Variants in PCDHGA3 observed in about 807,000 individuals in gnomAD.
The protein encoded by PCDHGA3 is protocadherin gamma-A3.
PCDHGA3 carries 40 observed loss-of-function variants against 58.5 expected under a neutral mutation model. The observed-to-expected ratio is 0.68, with a 90% CI of 0.53 to 0.89. PCDHGA3 has a LOEUF of 0.89. Ranked by LOEUF, PCDHGA3 falls within the 40% of genes least tolerant of loss-of-function variation. The pLI is 0.00. For synonymous variants in PCDHGA3, 530 were observed against 525.7 expected (o/e 1.01, Z -0.11); for missense variants, 1,223 against 1,195.9 (o/e 1.02, Z -0.33).
At position 141,390,471 on chromosome 5, in the gene PCDHGA3, G is replaced by C. The variant is rs969771801; in HGVS notation, c.2424+44014G>C. The C allele has an allele frequency of 7.2e-6, 5 of 697,624 alleles. No homozygotes were observed. The African/African-American group carries it at 9.0e-5, about 13-fold the overall frequency. The allele number at this position is 697,624 out of a possible 1,614,324, so 43.2% of individuals were successfully genotyped here. On this transcript the variant is annotated intron_variant, in intron 1 of 3. Coordinates refer to ENST00000253812, the MANE Select transcript of PCDHGA3 (RefSeq NM_018916.4). ...GGAGTAAAGTAGGAGCAATTGTGTG[G>C]CCCAACATTTGTTTGTTTTTTAGCC... is the stretch of plus-strand genomic sequence containing the variant.
intron 1 of PCDHGA3, chr5:141,399,459 C>A (rs897098728): frequency 6.2e-7 from 1 of 1,614,012 alleles, no homozygotes; most frequent in African/African-American, 1.3e-5. Flanking sequence ...TCAACGATAA[C>A]GCTCCGGTTT....
At chr5:141,414,452 T>G in intron 1 of PCDHGA3, 1 of 1,613,886 alleles carries the variant, frequency 6.2e-7, no homozygotes, top group Non-Finnish European at 8.5e-7. Context: ...AATATCACAG[T>G]GACAGCCACA....
intron 1 of PCDHGA3, among the ~76,000 whole-genome samples, chr5:141,444,152 ATTTTTTTTTTTTTTTTTTTTTT>A (rs747671382): frequency 8.9e-5 from 3 of 33,882 alleles, no homozygotes; most frequent in East Asian, 1.0e-3. Flanking sequence ...TGTGTACTGG[ATTTTTTTTTTTTTTTTTTTTTT>A]TTTTTTTTTT....
chr5:141,408,549 T>C, intron 1 of PCDHGA3: 1 of 1,614,016 alleles, frequency 6.2e-7, no homozygotes, highest in Non-Finnish European at 8.5e-7. Flanking sequence ...CCTTTAAATA[T>C]TTTTCATGTC....
chr5:141,505,653 G>A (rs1049630228), intron 3 of PCDHGA3, among the ~76,000 whole-genome samples, 172 bp downstream of exon 3: 1 of 152,184 alleles, frequency 6.6e-6, no homozygotes, highest in Non-Finnish European at 1.5e-5. Context: ...TTGTGGCTAA[G>A]GAACAGCAGA....
chr5:141,423,816 T>C lies in PCDHGA3; in HGVS notation c.2425-70991T>C, dbSNP rs1205974775. ...TTAGAGCAATACATGTGAGTTTTACTTTGCCTTTCATGAGATTACGATAAT... is the reference window on the plus strand; with the variant it reads ...TTAGAGCAATACATGTGAGTTTTACCTTGCCTTTCATGAGATTACGATAAT... On this transcript the variant is annotated intron_variant, in intron 1 of 3. Transcript: ENST00000253812. 3 of 1,273,904 alleles carry C rather than the reference T, an allele frequency of 2.4e-6. No individual in the cohort carries two copies. The African/African-American group carries it at 4.7e-5, about 20-fold the overall frequency. 78.9% of individuals were successfully genotyped at this position (1,273,904 alleles called of 1,614,324 possible).
At chr5:141,385,354 G>A (rs1781142945) in intron 1 of PCDHGA3, 1 of 1,550,398 alleles carries the variant, frequency 6.4e-7, no homozygotes, top group South Asian at 1.2e-5. Context: ...ATTTCCATGA[G>A]GAATTTATTT....
At chr5:141,474,854 T>G (rs1007461186) in intron 1 of PCDHGA3, among the ~76,000 whole-genome samples, 3 of 152,260 alleles carry the variant, frequency 2.0e-5, no homozygotes, top group African/African-American at 7.2e-5. Flanking sequence ...CCTGCCTTCT[T>G]CATTTAATAG....
rs2099701571 is a variant in PCDHGA3, at chr5:141,490,550, A to G, written c.2425-4257A>G. On this transcript the variant is annotated intron_variant, in intron 1 of 3. Coordinates refer to ENST00000253812, the MANE Select transcript of PCDHGA3 (RefSeq NM_018916.4). This position sits in a 1 kb window ranked among gnomAD's most constrained non-coding sequence, Gnocchi z 5.4. ...GCTGGTTCACCTTCCCTACACAAACATCTCACCATCAGGCTCAACATTTCA... is the reference window on the plus strand; with the variant it reads ...GCTGGTTCACCTTCCCTACACAAACGTCTCACCATCAGGCTCAACATTTCA... 1 of 1,614,092 alleles carries G rather than the reference A, an allele frequency of 6.2e-7. No individual in the cohort carries two copies.
In PCDHGA3 at chr5:141,511,345, TCC is replaced by T; in HGVS notation, c.*178_*179del. 1 of 1,410,484 alleles carries T rather than the reference TCC, an allele frequency of 7.1e-7. No homozygotes were observed. The highest frequency in any genetic ancestry group is 9.4e-7 in the Non-Finnish European group (1 of 1,060,658). The allele number at this position is 1,410,484 out of a possible 1,614,324, so 87.4% of individuals were successfully genotyped here. On this transcript the variant is annotated 3_prime_UTR_variant, in exon 4 of 4. Coordinates refer to ENST00000253812, the MANE Select transcript of PCDHGA3 (RefSeq NM_018916.4). ...AAGTGCCCAGTCAGCACCTACCCCT[TCC>T]CCCCCAGGGGGTTGAATATGCAAAA... is the stretch of plus-strand genomic sequence containing the variant.
At chr5:141,459,156 T>C (rs920698328) in intron 1 of PCDHGA3, among the ~76,000 whole-genome samples, 1 of 152,188 alleles carries the variant, frequency 6.6e-6, no homozygotes, top group Non-Finnish European at 1.5e-5. Flanking sequence ...ATATAGAACA[T>C]TTCTATAACC....
At chr5:141,363,604 C>A (rs907704240) in intron 1 of PCDHGA3, among the ~76,000 whole-genome samples, 2 of 152,196 alleles carry the variant, frequency 1.3e-5, no homozygotes, top group Non-Finnish European at 2.9e-5. Context: ...CAAACGCTGT[C>A]TGAGATAGTG....
At chr5:141,433,235 C>T (rs1307904588) in intron 1 of PCDHGA3, 13 of 1,509,616 alleles carry the variant, frequency 8.6e-6, no homozygotes, top group Non-Finnish European at 1.1e-5. Context: ...GCTCTGTCTC[C>T]CAAGCTGGAA....
intron 1 of PCDHGA3, chr5:141,478,121 G>A (rs1393103666): frequency 1.2e-6 from 2 of 1,613,918 alleles, no homozygotes; most frequent in South Asian, 1.1e-5. Flanking sequence ...AGTAACCGAG[G>A]ACTCTCCTGA....
At chr5:141,415,504 C>A in intron 1 of PCDHGA3, 2 of 1,614,216 alleles carry the variant, frequency 1.2e-6, no homozygotes, top group Non-Finnish European at 1.7e-6. Context: ...CTTCCCCCAG[C>A]CCAATTATGC....
At chr5:141,468,924 C>G (rs1434433938) in intron 1 of PCDHGA3, among the ~76,000 whole-genome samples, 1 of 150,520 alleles carries the variant, frequency 6.6e-6, no homozygotes, top group Non-Finnish European at 1.5e-5. Context: ...GAGAATAGCA[C>G]TAAAATGGGA....
intron 1 of PCDHGA3, chr5:141,372,504 C>G: frequency 6.2e-7 from 1 of 1,614,052 alleles, no homozygotes; most frequent in South Asian, 1.1e-5. Flanking sequence ...AGTGCTCTTC[C>G]TCCTCGCGGT....
rs1030462993 is a variant in PCDHGA3 at position 141,367,932 on chromosome 5, A to G, written c.2424+21475A>G. On this transcript the variant is annotated intron_variant, in intron 1 of 3. Coordinates refer to ENST00000253812, the MANE Select transcript of PCDHGA3 (RefSeq NM_018916.4). Reference sequence around the variant, plus strand: ...GAAAAAAAAAGAACTCAACTTAAAGATGGTTCAAAATTTTAAATTTCATAT... The same window carrying G: ...GAAAAAAAAAGAACTCAACTTAAAGGTGGTTCAAAATTTTAAATTTCATAT... 103 of 152,212 alleles carry G rather than the reference A, an allele frequency of 6.8e-4. 1 individual carries two copies. The highest frequency in any genetic ancestry group is 2.4e-3 in the African/African-American group (101 of 41,450). The allele number at this position is 152,212 out of a possible 1,614,324, so 9.4% of individuals were successfully genotyped here.
chr5:141,386,602 T>C (rs2090639414), intron 1 of PCDHGA3, among the ~76,000 whole-genome samples: 1 of 152,182 alleles, frequency 6.6e-6, no homozygotes, highest in African/African-American at 2.4e-5. Flanking sequence ...TACATTTTTT[T>C]TTTTTGACAT....
Sources: gnomAD v4.1 joint callset for allele counts (sites outside exome capture counted in the v4.1 genomes callset) on GRCh38, gnomAD v4.1.1 for gene constraint, Gnocchi (gnomAD v3.1) non-coding constraint, MANE v1.5 for transcripts, NCBI Gene and HGNC (gene_info 2026-07-23, HGNC 2026-07-21) for gene names.